CSMD3: variants seen among roughly 807,000 people sequenced by gnomAD.
The protein encoded by CSMD3 is CUB and sushi domain-containing protein 3.
Under a neutral mutation model 435.2 loss-of-function variants are expected in CSMD3, and 177 were observed. The observed-to-expected ratio is 0.41, with a 90% CI of 0.36 to 0.46. CSMD3 has a LOEUF of 0.46. Among genes scored for constraint, CSMD3 ranks in the 20% least tolerant of loss-of-function variants. The pLI, the probability that CSMD3 is intolerant of heterozygous loss-of-function variation, is 0.34. For synonymous variants in CSMD3, 1,656 were observed against 1,520.5 expected, an observed-to-expected ratio of 1.09 and a Z score of -2.07; for missense variants, 4,265 against 4,504.6, an observed-to-expected ratio of 0.95 and a Z score of 1.52.
chr8:113,246,050 T>C (rs952341953), intron 3 of CSMD3, among the ~76,000 whole-genome samples: 1 of 152,008 alleles, frequency 6.6e-6, no homozygotes, highest in Non-Finnish European at 1.5e-5. Context: ...TTTTAGACTT[T>C]TGATAATTTG....
intron 57 of CSMD3, 73 bp downstream of exon 57, chr8:112,289,292 G>T: frequency 8.4e-7 from 1 of 1,188,752 alleles, no homozygotes; most frequent in Non-Finnish European, 1.3e-6. Context: ...ATTGTTTTGT[G>T]TATACGTTGC....
intron 13 of CSMD3, among the ~76,000 whole-genome samples, chr8:112,710,207 C>A (rs1198824645): frequency 8.5e-5 from 13 of 152,148 alleles, no homozygotes; most frequent in Admixed American, 8.5e-4. Context: ...CAGATGGTCA[C>A]CCCAATTATA....
rs2131661650 is a variant in CSMD3 at position 112,656,247 on chromosome 8, G to A, written c.2911C>T (p.Pro971Ser). ...LLGSYNGTQV[P>S]QFLFSSSNFI... is the part of the protein sequence containing the mutation. ...TTACTGCTACTAAATAGAAACTGGG[G>A]CACTTGGGTGCCATTGTAAGATCCA... is the stretch of plus-strand genomic sequence containing the variant. The change falls in exon 18 of 71, where the codon CCC becomes TCC. Residue 971 changes from proline (P) to serine (S), a missense_variant. Pro to Ser is a moderately conservative substitution (Grantham distance 74). Coordinates refer to ENST00000297405, the MANE Select transcript of CSMD3 (RefSeq NM_198123.2). 6.2e-7 allele frequency: 1 copy of A among 1,608,900 alleles called. No individual in the cohort carries two copies. The highest frequency in any genetic ancestry group is 8.5e-7 in the Non-Finnish European group (1 of 1,175,458).
At chr8:112,397,296 T>C (rs760563524) in intron 35 of CSMD3, among the ~76,000 whole-genome samples, 2 of 152,224 alleles carry the variant, frequency 1.3e-5, no homozygotes, top group African/African-American at 2.4e-5. Context: ...TTCTGTCACA[T>C]AGACCCCATA....
intron 38 of CSMD3, among the ~76,000 whole-genome samples, chr8:112,363,917 T>C (rs964701072): frequency 6.6e-6 from 1 of 152,030 alleles, no homozygotes; most frequent in African/African-American, 2.4e-5. Context: ...TTTATTACAT[T>C]TATGAATGTT....
At chr8:113,263,027 C>A (rs1011224235) in intron 3 of CSMD3, among the ~76,000 whole-genome samples, 1 of 151,910 alleles carries the variant, frequency 6.6e-6, no homozygotes, top group African/African-American at 2.4e-5. Flanking sequence ...ATTTTAATAT[C>A]CCTAGGCAAA....
At chr8:113,414,930 C>A (rs887951792) in intron 1 of CSMD3, among the ~76,000 whole-genome samples, 1 of 152,004 alleles carries the variant, frequency 6.6e-6, no homozygotes, top group Admixed American at 6.6e-5. Context: ...TGTGCCACTG[C>A]GCTCCAGCCT....
intron 69 of CSMD3, among the ~76,000 whole-genome samples, chr8:112,229,846 C>T (rs998494969): frequency 6.8e-6 from 1 of 147,580 alleles, no homozygotes; most frequent in East Asian, 2.0e-4. Flanking sequence ...GGAATACAGA[C>T]TGGAATCAGG....
chr8:112,702,638 C>T (rs1353031639), intron 13 of CSMD3, among the ~76,000 whole-genome samples: 5 of 152,036 alleles, frequency 3.3e-5, no homozygotes, highest in African/African-American at 7.2e-5. Context: ...AGCCAGGACC[C>T]TATGCTCTCA....
At chr8:113,048,889 A>G (rs1406135344) in intron 5 of CSMD3, among the ~76,000 whole-genome samples, 1 of 152,138 alleles carries the variant, frequency 6.6e-6, no homozygotes, top group African/African-American at 2.4e-5. Context: ...TCTCTATCCA[A>G]ACTTTTGAAT....
intron 13 of CSMD3, among the ~76,000 whole-genome samples, chr8:112,717,158 G>T (rs2076750911): frequency 6.6e-6 from 1 of 151,730 alleles, no homozygotes; most frequent in Non-Finnish European, 1.5e-5. Context: ...GAAATTTTTT[G>T]CAATCTATTC....
intron 61 of CSMD3, among the ~76,000 whole-genome samples, chr8:112,258,856 G>A (rs889065793): frequency 2.6e-5 from 4 of 152,036 alleles, no homozygotes; most frequent in Non-Finnish European, 5.9e-5. Flanking sequence ...TGGCTGACAC[G>A]GTGAAACCCC....
intron 4 of CSMD3, among the ~76,000 whole-genome samples, chr8:113,168,475 C>T (rs575412010): frequency 2.0e-4 from 25 of 122,366 alleles, no homozygotes; most frequent in African/African-American, 3.2e-4. Flanking sequence ...AAGCCGGGAT[C>T]GTGCCACTGC....
chr8:113,113,346 A>G (rs1009621299), intron 4 of CSMD3, among the ~76,000 whole-genome samples: 1 of 152,240 alleles, frequency 6.6e-6, no homozygotes, highest in Non-Finnish European at 1.5e-5. Context: ...AATTAAATAC[A>G]GCAATGAACA....
At position 112,898,224 on chromosome 8, in the gene CSMD3, T is replaced by G. The variant is rs192132434; in HGVS notation, c.1633+23403A>C. On this transcript the variant is annotated intron_variant, in intron 10 of 70. Transcript: ENST00000297405. ...TCACATCCTTTCTAGTGCTTGAAGATAGTGATATTGGTGGACTGATTTCAA... is the reference window on the plus strand; with the variant it reads ...TCACATCCTTTCTAGTGCTTGAAGAGAGTGATATTGGTGGACTGATTTCAA... 2.6e-5 allele frequency among the ~76,000 whole-genome samples: 4 copies of G among 151,264 alleles called. No homozygotes were observed. The East Asian group carries it at 7.9e-4, about 30-fold the overall frequency.
chr8:113,080,833 T>C (rs907232762), intron 5 of CSMD3, among the ~76,000 whole-genome samples: 2 of 152,212 alleles, frequency 1.3e-5, no homozygotes, highest in Non-Finnish European at 2.9e-5. Flanking sequence ...AAACTCACGA[T>C]ATTTTTACAT....
At chr8:113,422,906 A>ATTTC (rs1176549136) in intron 1 of CSMD3, among the ~76,000 whole-genome samples, 1 of 152,064 alleles carries the variant, frequency 6.6e-6, no homozygotes, top group African/African-American at 2.4e-5. Flanking sequence ...ACTGCTTGGA[A>ATTTC]TGAGAAGTGT....
At chr8:112,818,786 C>T (rs1411429686) in intron 12 of CSMD3, among the ~76,000 whole-genome samples, 1 of 152,120 alleles carries the variant, frequency 6.6e-6, no homozygotes, top group African/African-American at 2.4e-5. Flanking sequence ...TGAGACCCTG[C>T]AGTAGCTTCC....
intron 50 of CSMD3, among the ~76,000 whole-genome samples, chr8:112,306,459 T>C (rs540384970): frequency 6.6e-6 from 1 of 152,316 alleles, no homozygotes; most frequent in South Asian, 2.1e-4. Flanking sequence ...CTGGTGATCA[T>C]GTGCATGGTT....
Sources: allele counts gnomAD v4.1 joint callset (sites outside exome capture counted in the v4.1 genomes callset), GRCh38; gene constraint gnomAD v4.1.1; transcripts MANE v1.5; gene names NCBI Gene and HGNC (gene_info 2026-07-23, HGNC 2026-07-21).